The following SUGCT variants were observed in gnomAD, a reference collection of about 807,000 sequenced individuals.
SUGCT encodes the protein succinyl-CoA:glutarate-CoA transferase.
SUGCT carries 41 observed loss-of-function variants against 55.0 expected under a neutral mutation model. The ratio of observed to expected loss-of-function variants is 0.74; its 90% CI spans 0.58 to 0.97. The LOEUF (loss-of-function observed/expected upper bound fraction) is 0.97. Among genes scored for constraint, SUGCT ranks in the 50% least tolerant of loss-of-function variants. The pLI is 0.00. For synonymous variants in SUGCT, 187 were observed against 200.4 expected (o/e 0.93, Z 0.56); for missense variants, 568 against 547.8 (o/e 1.04, Z -0.37).
chr7:40,604,595 G>C (rs1046362560), intron 12 of SUGCT, among the ~76,000 whole-genome samples: 2 of 152,130 alleles, frequency 1.3e-5, no homozygotes, highest in Admixed American at 6.5e-5. Context: ...TAAGAGTAGA[G>C]AGTCATTTTC....
intron 9 of SUGCT, among the ~76,000 whole-genome samples, chr7:40,362,430 C>G (rs966791568): frequency 5.3e-5 from 8 of 151,760 alleles, no homozygotes; most frequent in African/African-American, 1.2e-4. Context: ...GCCGCTCCCC[C>G]CTCAAAAAAA....
intron 8 of SUGCT, among the ~76,000 whole-genome samples, chr7:40,310,581 C>T (rs891972575): frequency 4.6e-5 from 7 of 152,216 alleles, no homozygotes; most frequent in Admixed American, 1.3e-4. Context: ...GGATACTGGA[C>T]GTGGAGTAGA....
At chr7:40,778,386 A>C (rs142493053) in intron 13 of SUGCT, among the ~76,000 whole-genome samples, 3 of 152,382 alleles carry the variant, frequency 2.0e-5, no homozygotes, top group African/African-American at 7.2e-5. Flanking sequence ...AGCTCACAAT[A>C]GGATTAAAGT....
At chr7:40,606,231 G>A (rs1798530663) in intron 12 of SUGCT, among the ~76,000 whole-genome samples, 2 of 152,216 alleles carry the variant, frequency 1.3e-5, no homozygotes, top group South Asian at 4.1e-4. Context: ...CTAAGAGGCA[G>A]AAAGTTGATT....
chr7:40,377,070 AT>A (rs1201549510), intron 9 of SUGCT, among the ~76,000 whole-genome samples: 3 of 141,744 alleles, frequency 2.1e-5, no homozygotes, highest in African/African-American at 2.6e-5. Context: ...GTTCACTCAC[AT>A]TTTTCAATCT....
At chr7:40,528,963 A>G (rs2151590537) in intron 12 of SUGCT, among the ~76,000 whole-genome samples, 1 of 152,312 alleles carries the variant, frequency 6.6e-6, no homozygotes, top group African/African-American at 2.4e-5. Flanking sequence ...GAGGAGATGT[A>G]TATTATGGTA....
chr7:40,924,367 A>G, the SUGCT span, among the ~76,000 whole-genome samples: 1 of 151,588 alleles, frequency 6.6e-6, no homozygotes, highest in Non-Finnish European at 1.5e-5. Flanking sequence ...CAGCTTCCAA[A>G]TAGCTGGGAC....
chr7:40,194,947 C>G lies in SUGCT; in HGVS notation c.371C>G (p.Ala124Gly). Residue 124 changes from alanine to glycine, a missense_variant, in exon 6 of 14, where the codon GCT becomes GGT. Physicochemically the swap from Ala to Gly is moderately conservative, Grantham distance 60. Coordinates refer to ENST00000335693, the MANE Select transcript of SUGCT (RefSeq NM_001193313.2). ...GTTCACCTCTTCCATCAGCTTGCAGCTGTTTGTGATGTGTTTGTGGAAAAC... is the reference window on the plus strand; with the variant it reads ...GTTCACCTCTTCCATCAGCTTGCAGGTGTTTGTGATGTGTTTGTGGAAAAC... ...KGVKIIKELA[A>G]VCDVFVENYV... 6.2e-7 allele frequency: 1 copy of G among 1,612,946 alleles called. No individual in the cohort carries two copies. Among genetic ancestry groups the G allele is most frequent in the Non-Finnish European group, 8.5e-7 (1 of 1,179,538 alleles).
chr7:40,823,303 A>C (rs892876833), intron 13 of SUGCT, among the ~76,000 whole-genome samples: 6 of 152,162 alleles, frequency 3.9e-5, no homozygotes, highest in Non-Finnish European at 7.4e-5. Flanking sequence ...GGGTTCTGAC[A>C]CTGATAAATT....
chr7:40,722,379 A>G (rs1226810268), intron 12 of SUGCT, among the ~76,000 whole-genome samples: 2 of 152,210 alleles, frequency 1.3e-5, no homozygotes, highest in East Asian at 1.9e-4. Context: ...TACACATATA[A>G]TCAAGTGAAA....
At chr7:40,982,955 C>CT in the SUGCT span, among the ~76,000 whole-genome samples, 1 of 152,126 alleles carries the variant, frequency 6.6e-6, no homozygotes, top group Non-Finnish European at 1.5e-5. Context: ...GGCCTAGTAG[C>CT]ACCTGATGAC....
intron 7 of SUGCT, among the ~76,000 whole-genome samples, chr7:40,269,562 G>A (rs1023289005): frequency 6.6e-6 from 1 of 152,038 alleles, no homozygotes; most frequent in East Asian, 1.9e-4. Context: ...AGCTCAAGGA[G>A]TCCTCCGGCT....
the SUGCT span, among the ~76,000 whole-genome samples, chr7:40,976,585 A>G: frequency 1.3e-5 from 2 of 152,136 alleles, no homozygotes; most frequent in African/African-American, 2.4e-5. Context: ...TTACAAGAAG[A>G]ATTATTTTTC....
At chr7:40,184,186 G>A (rs181699891) in intron 3 of SUGCT, among the ~76,000 whole-genome samples, 26 of 152,204 alleles carry the variant, frequency 1.7e-4, no homozygotes, top group Non-Finnish European at 3.1e-4. Context: ...AAAAAGGAAC[G>A]TGTCATTGTT....
chr7:40,926,919 A>G, the SUGCT span, among the ~76,000 whole-genome samples: 1 of 152,218 alleles, frequency 6.6e-6, no homozygotes, highest in African/African-American at 2.4e-5. Context: ...GTAAATTCCA[A>G]GTTGTGAAGA....
chr7:40,772,037 A>G (rs1789130099), intron 13 of SUGCT, among the ~76,000 whole-genome samples: 1 of 152,136 alleles, frequency 6.6e-6, no homozygotes, highest in Admixed American at 6.5e-5. Flanking sequence ...GTCTTGGTGT[A>G]TGCCTGTTGT....
chr7:40,629,789 A>C (rs939983912), intron 12 of SUGCT, among the ~76,000 whole-genome samples: 11 of 152,322 alleles, frequency 7.2e-5, no homozygotes, highest in Admixed American at 2.0e-4. Flanking sequence ...AACTTTTTGC[A>C]TATGGATAAA....
intron 1 of SUGCT, among the ~76,000 whole-genome samples, chr7:40,148,693 C>G (rs2150598487): frequency 6.6e-6 from 1 of 152,182 alleles, no homozygotes; most frequent in African/African-American, 2.4e-5. Context: ...GACCCAAACC[C>G]ATGATGAGGT....
chr7:40,572,353 A>G (rs1373297706), intron 12 of SUGCT, among the ~76,000 whole-genome samples: 5 of 152,210 alleles, frequency 3.3e-5, no homozygotes, highest in Non-Finnish European at 5.9e-5. Flanking sequence ...TGTATTTGAA[A>G]AGAGATAAAT....
Sources: gnomAD v4.1 joint callset for allele counts (sites outside exome capture counted in the v4.1 genomes callset) on GRCh38, gnomAD v4.1.1 for gene constraint, MANE v1.5 for transcripts, NCBI Gene and HGNC (gene_info 2026-07-23, HGNC 2026-07-21) for gene names.